ZNF704: variants seen among roughly 807,000 people sequenced by gnomAD.
ZNF704 encodes the protein zinc finger protein 704, also known as glucocorticoid induced gene 1.
Under a neutral mutation model 44.7 loss-of-function variants are expected in ZNF704, and 10 were observed. The ratio of observed to expected loss-of-function variants is 0.22; its 90% CI spans 0.14 to 0.38. The LOEUF (loss-of-function observed/expected upper bound fraction) is 0.38, where lower values mean the gene tolerates loss of function less well. ZNF704 is among the 10% of genes least tolerant of loss of function. The probability of loss-of-function intolerance (pLI) is 1.00; values close to 1 mark genes in which losing one functional copy is unlikely to be tolerated. For synonymous variants in ZNF704, 211 were observed against 207.6 expected (o/e 1.02, Z -0.14); for missense variants, 390 against 545.5 (o/e 0.71, Z 2.84).
At chr8:80,646,885 A>C (rs938870693) in intron 7 of ZNF704, among the ~76,000 whole-genome samples, 14 of 152,222 alleles carry the variant, frequency 9.2e-5, no homozygotes, top group Admixed American at 6.5e-5. Context: ...AATCCCAAGA[A>C]CACTGTACTT....
chr8:80,671,990 T>C (rs758212045), intron 4 of ZNF704, among the ~76,000 whole-genome samples: 1 of 152,180 alleles, frequency 6.6e-6, no homozygotes, highest in Non-Finnish European at 1.5e-5. Context: ...CTTCTCAGAA[T>C]AGTGGTTTTT....
rs986596355 is a variant in ZNF704, at chr8:80,631,094, G to T, written c.*10272C>A. 2.0e-5 allele frequency: 3 copies of T among 152,160 alleles called. No individual in the cohort carries two copies. Among genetic ancestry groups the T allele is most frequent in the African/African-American group, 4.8e-5 (2 of 41,426 alleles). 9.4% of individuals were successfully genotyped at this position (152,160 alleles called of 1,614,324 possible). On this transcript the variant is annotated 3_prime_UTR_variant, in exon 9 of 9. Coordinates refer to ENST00000327835, the MANE Select transcript of ZNF704 (RefSeq NM_001033723.3). ...AGGAGGGGCTTTGCTATCATCACAG[G>T]TGTTGGTCACATCACAGCCATCGAT...
intron 2 of ZNF704, among the ~76,000 whole-genome samples, chr8:80,791,694 T>C (rs1199977276): frequency 5.9e-5 from 9 of 151,490 alleles, no homozygotes; most frequent in Non-Finnish European, 1.0e-4. Context: ...CTCCACTCTG[T>C]CTACAGTTAT....
chr8:80,750,639 C>A (rs539663890), intron 2 of ZNF704, among the ~76,000 whole-genome samples: 2 of 152,144 alleles, frequency 1.3e-5, no homozygotes, highest in South Asian at 2.1e-4. Flanking sequence ...CCTCAGCCTC[C>A]CGAGTAGCTG....
At chr8:80,776,076 T>C (rs1807405874) in intron 2 of ZNF704, among the ~76,000 whole-genome samples, 1 of 152,232 alleles carries the variant, frequency 6.6e-6, no homozygotes, top group Non-Finnish European at 1.5e-5. Flanking sequence ...CTTTGGGCAT[T>C]ATACCATAAT....
At position 80,874,050 on chromosome 8, in the gene ZNF704, A is replaced by AGCGCGGGGTTGCGGGCCGCG. The variant is rs1809311901; in HGVS notation, c.-22+501_-22+520dup. Among the ~76,000 whole-genome samples the AGCGCGGGGTTGCGGGCCGCG allele has an allele frequency of 6.8e-6, 1 of 146,194 alleles. No homozygotes were observed. The highest frequency in any genetic ancestry group is 1.5e-5 in the Non-Finnish European group (1 of 65,840). Reference sequence around the variant, plus strand: ...GCTAGACGCCGCGCCTGCATGCCTGAGCGCGGGGTTGCGGGCCGCGGCGCG... The same window carrying AGCGCGGGGTTGCGGGCCGCG: ...GCTAGACGCCGCGCCTGCATGCCTGAGCGCGGGGTTGCGGGCCGCGGCGCGGGGTTGCGGGCCGCGGCGCG... On this transcript the variant is annotated intron_variant, in intron 1 of 8. Coordinates refer to ENST00000327835, the MANE Select transcript of ZNF704 (RefSeq NM_001033723.3). The surrounding 1 kb of genome is among the most constrained non-coding windows in gnomAD (Gnocchi z 4.4).
At chr8:80,779,140 T>C (rs1297482974) in intron 2 of ZNF704, among the ~76,000 whole-genome samples, 1 of 151,876 alleles carries the variant, frequency 6.6e-6, no homozygotes, top group Non-Finnish European at 1.5e-5. Context: ...TCTTTCTCCT[T>C]CTTTCCTCCT....
rs1808266149 is a variant in ZNF704 at position 80,821,367 on chromosome 8, C to T, written c.221+7G>A. 6.2e-7 allele frequency: 1 copy of T among 1,613,300 alleles called. No homozygotes were observed. Among genetic ancestry groups the T allele is most frequent in the African/African-American group, 1.3e-5 (1 of 74,886 alleles). On this transcript the variant is annotated splice_region_variant and intron_variant, in intron 2 of 8. Coordinates refer to ENST00000327835, the MANE Select transcript of ZNF704 (RefSeq NM_001033723.3). ...GCAGACACATGTGAGATTTAATGTT[C>T]CCTTACCTTGCTGGAGGAACATCAA...
intron 2 of ZNF704, among the ~76,000 whole-genome samples, chr8:80,740,827 T>C (rs1806743963): frequency 6.6e-6 from 1 of 152,216 alleles, no homozygotes; most frequent in Admixed American, 6.5e-5. Flanking sequence ...TGGCCAGGCA[T>C]TAGCCCAAGA....
At chr8:80,674,653 G>A (rs543116383) in intron 4 of ZNF704, among the ~76,000 whole-genome samples, 1 of 152,234 alleles carries the variant, frequency 6.6e-6, no homozygotes, top group South Asian at 2.1e-4. Flanking sequence ...CCATTCAAGA[G>A]GGATGCACCC....
chr8:80,746,642 A>G (rs1312173026), intron 2 of ZNF704, among the ~76,000 whole-genome samples: 1 of 152,178 alleles, frequency 6.6e-6, no homozygotes, highest in Admixed American at 6.5e-5. Flanking sequence ...GATAGAACCT[A>G]CGTTTTCAAG....
intron 2 of ZNF704, among the ~76,000 whole-genome samples, chr8:80,751,090 T>G (rs894424559): frequency 6.6e-6 from 1 of 152,186 alleles, no homozygotes; most frequent in African/African-American, 2.4e-5. Flanking sequence ...ATGAGAAAAC[T>G]TTTGCTTTTT....
At chr8:80,784,246 G>A (rs185051789) in intron 2 of ZNF704, among the ~76,000 whole-genome samples, 56 of 152,322 alleles carry the variant, frequency 3.7e-4, no homozygotes, top group African/African-American at 1.3e-3. Context: ...AGGTTTTGGT[G>A]TGGATATAAG....
At chr8:80,760,093 C>A (rs1321605489) in intron 2 of ZNF704, among the ~76,000 whole-genome samples, 2 of 152,142 alleles carry the variant, frequency 1.3e-5, no homozygotes, top group Non-Finnish European at 2.9e-5. Context: ...ATGAGAAAGA[C>A]CCTGATGAGC....
chr8:80,785,656 G>T (rs950874357), intron 2 of ZNF704, among the ~76,000 whole-genome samples: 1 of 152,126 alleles, frequency 6.6e-6, no homozygotes, highest in Non-Finnish European at 1.5e-5. Flanking sequence ...CCTTCTGTTA[G>T]ATCTTGTGCT....
chr8:80,637,714 G>A lies in ZNF704; in HGVS notation c.*3652C>T, dbSNP rs1817684457. On this transcript the variant is annotated 3_prime_UTR_variant, in exon 9 of 9. Coordinates refer to ENST00000327835, the MANE Select transcript of ZNF704 (RefSeq NM_001033723.3). Reference sequence around the variant, plus strand: ...TTCGGGCAGGAATTGTCTAATAAAAGGGCACCTTGTTGGTGCCTGGAGCTG... The same window carrying A: ...TTCGGGCAGGAATTGTCTAATAAAAAGGCACCTTGTTGGTGCCTGGAGCTG... 6.6e-6 allele frequency: 1 copy of A among 152,230 alleles called. No individual in the cohort carries two copies. 9.4% of individuals were successfully genotyped at this position (152,230 alleles called of 1,614,324 possible).
intron 2 of ZNF704, among the ~76,000 whole-genome samples, chr8:80,779,839 A>G (rs1807486895): frequency 6.6e-6 from 1 of 151,350 alleles, no homozygotes; most frequent in Non-Finnish European, 1.5e-5. Flanking sequence ...CTTTAGAATT[A>G]CTTTTCTTAA....
chr8:80,678,137 A>G (rs1425594048), intron 4 of ZNF704, among the ~76,000 whole-genome samples: 2 of 152,224 alleles, frequency 1.3e-5, no homozygotes, highest in East Asian at 3.8e-4. Context: ...AAAATTACTA[A>G]TTTATAATGA....
At chr8:80,813,722 C>A (rs1808128896) in intron 2 of ZNF704, among the ~76,000 whole-genome samples, 1 of 151,822 alleles carries the variant, frequency 6.6e-6, no homozygotes, top group Non-Finnish European at 1.5e-5. Flanking sequence ...ACTAAAAATA[C>A]AAAAAAATTA....
Sources: allele counts gnomAD v4.1 joint callset (sites outside exome capture counted in the v4.1 genomes callset), GRCh38; gene constraint gnomAD v4.1.1; non-coding constraint Gnocchi (gnomAD v3.1); transcripts MANE v1.5; gene names NCBI Gene and HGNC (gene_info 2026-07-23, HGNC 2026-07-21).